The following UNC79 variants were observed in gnomAD, a reference collection of about 807,000 sequenced individuals.
UNC79 encodes protein unc-79 homolog.
Under a neutral mutation model 283.1 loss-of-function variants are expected in UNC79, and 37 were observed. That is an observed-to-expected ratio of 0.13 (90% CI 0.10 to 0.17). The LOEUF is 0.17. UNC79 is among the 10% of genes least tolerant of loss of function. The pLI is 1.00. For synonymous variants in UNC79, 1,107 were observed against 1,200.2 expected, an observed-to-expected ratio of 0.92 and a Z score of 1.61; for missense variants, 2,272 against 3,211.1, an observed-to-expected ratio of 0.71 and a Z score of 7.07.
chr14:93,355,151 T>G (rs1365874592), intron 1 of UNC79, among the ~76,000 whole-genome samples: 3 of 151,576 alleles, frequency 2.0e-5, no homozygotes, highest in African/African-American at 7.3e-5. Context: ...TGCCTCAGCC[T>G]CCTGAGTAGC....
intron 46 of UNC79, among the ~76,000 whole-genome samples, chr14:93,693,173 A>G (rs529134538): frequency 2.4e-4 from 36 of 152,340 alleles, no homozygotes; most frequent in African/African-American, 8.2e-4. Context: ...TCTTAGTTCA[A>G]TTTAAAGGAA....
At chr14:93,361,211 C>CAAA (rs58267219) in intron 1 of UNC79, among the ~76,000 whole-genome samples, 10 of 54,346 alleles carry the variant, frequency 1.8e-4, no homozygotes, top group African/African-American at 3.7e-4. Context: ...GACTCTGTCT[C>CAAA]AAAAAAAAAA....
rs1230020241 is a variant in UNC79 at position 93,688,721 on chromosome 14, C to G, written c.6966C>G (p.Leu2322=). 6.2e-7 allele frequency: 1 copy of G among 1,614,026 alleles called. No homozygotes were observed. Among genetic ancestry groups the G allele is most frequent in the East Asian group, 2.2e-5 (1 of 44,870 alleles). Reference sequence around the variant, plus strand: ...ATGAAGATACCTTTGGGGGACATCTCAAAGTGGGGCTGGCCCAGATTGCAG... The same window carrying G: ...ATGAAGATACCTTTGGGGGACATCTGAAAGTGGGGCTGGCCCAGATTGCAG... Residue 2322 remains leucine, a synonymous_variant, in exon 44 of 49, where the codon CTC becomes CTG. Transcript: ENST00000555664. The surrounding 1 kb of genome is among the most constrained non-coding windows in gnomAD (Gnocchi z 4.0).
intron 41 of UNC79, among the ~76,000 whole-genome samples, chr14:93,678,561 G>T (rs1162067862): frequency 6.6e-6 from 1 of 152,148 alleles, no homozygotes; most frequent in Non-Finnish European, 1.5e-5. Context: ...AGAACAAATA[G>T]AATGCTTGTC....
chr14:93,437,843 C>A (rs1157840424), intron 1 of UNC79, among the ~76,000 whole-genome samples: 1 of 152,152 alleles, frequency 6.6e-6, no homozygotes, highest in Admixed American at 6.5e-5. Context: ...AAACACACGT[C>A]ATTTGATTTA....
intron 24 of UNC79, among the ~76,000 whole-genome samples, chr14:93,599,353 A>AGT (rs56758207): frequency 0.021 from 3,071 of 148,074 alleles, 69 homozygotes; most frequent in African/African-American, 0.054. Flanking sequence ...CACATACTTA[A>AGT]GTGTGTGTGT....
intron 7 of UNC79, among the ~76,000 whole-genome samples, chr14:93,514,109 A>C (rs984751774): frequency 2.0e-5 from 3 of 152,256 alleles, no homozygotes; most frequent in Admixed American, 2.0e-4. Flanking sequence ...ACAAGTCAGT[A>C]AGATTTAAAA....
chr14:93,600,543 T>A (rs758351416), intron 24 of UNC79, 26 bp from the exon 25 acceptor site: 2 of 893,494 alleles, frequency 2.2e-6, no homozygotes, highest in Non-Finnish European at 1.5e-6. Flanking sequence ...TCTTCTTTTC[T>A]TTTTTTTTTT....
chr14:93,346,266 A>G (rs2053825776), intron 1 of UNC79, among the ~76,000 whole-genome samples: 2 of 152,216 alleles, frequency 1.3e-5, no homozygotes, highest in South Asian at 2.1e-4. Flanking sequence ...ATAGGCCCCC[A>G]AAAGAAATAA....
chr14:93,670,979 T>G (rs2072789630), intron 40 of UNC79, among the ~76,000 whole-genome samples: 1 of 152,252 alleles, frequency 6.6e-6, no homozygotes. Context: ...TTATGTACTT[T>G]TCTGCACATG....
chr14:93,390,158 A>G (rs2054856696), intron 1 of UNC79, among the ~76,000 whole-genome samples: 1 of 152,272 alleles, frequency 6.6e-6, no homozygotes, highest in South Asian at 2.1e-4. Flanking sequence ...TATTTGTTTA[A>G]CACTGGAAAC....
At chr14:93,339,745 G>A (rs74753771) in intron 1 of UNC79, among the ~76,000 whole-genome samples, 11,215 of 152,266 alleles carry the variant, frequency 0.074, 874 homozygotes, top group African/African-American at 0.19. Flanking sequence ...CTGTTTGTCC[G>A]TGTTGCTCTC....
intron 5 of UNC79, among the ~76,000 whole-genome samples, chr14:93,494,324 C>T (rs117313360): frequency 0.034 from 5,252 of 152,236 alleles, 189 homozygotes; most frequent in Admixed American, 0.11. Flanking sequence ...GCCCCACCTC[C>T]AACACTGGGG....
chr14:93,598,906 G>T (rs2065286236), intron 24 of UNC79, among the ~76,000 whole-genome samples: 1 of 152,202 alleles, frequency 6.6e-6, no homozygotes, highest in African/African-American at 2.4e-5. Flanking sequence ...AAGCCAAAGA[G>T]ACAAGAAATA....
At chr14:93,422,535 A>T (rs1008987901) in intron 1 of UNC79, among the ~76,000 whole-genome samples, 11 of 152,136 alleles carry the variant, frequency 7.2e-5, no homozygotes, top group African/African-American at 9.7e-5. Context: ...TCACGTTCTG[A>T]ACCAGTTTTT....
chr14:93,498,434 A>C (rs531518517), intron 7 of UNC79, among the ~76,000 whole-genome samples: 1 of 152,004 alleles, frequency 6.6e-6, no homozygotes, highest in South Asian at 2.1e-4. Flanking sequence ...TAAAAATACA[A>C]AAAAATTTTA....
chr14:93,473,375 A>G (rs2057626395), intron 2 of UNC79, among the ~76,000 whole-genome samples: 1 of 152,182 alleles, frequency 6.6e-6, no homozygotes, highest in Admixed American at 6.5e-5. Flanking sequence ...TCACAAACAT[A>G]TGCTATGGAC....
chr14:93,606,383 A>G (rs1224308127), intron 26 of UNC79, among the ~76,000 whole-genome samples: 2 of 152,264 alleles, frequency 1.3e-5, no homozygotes, highest in Non-Finnish European at 2.9e-5. Context: ...ACTTGCTTAG[A>G]TATGGAAATA....
intron 1 of UNC79, among the ~76,000 whole-genome samples, chr14:93,400,459 C>A (rs965953013): frequency 2.6e-5 from 4 of 152,128 alleles, no homozygotes; most frequent in Non-Finnish European, 5.9e-5. Flanking sequence ...ATAAGTGCCA[C>A]ATGAATGGTT....
Sources: gnomAD v4.1 joint callset for allele counts (sites outside exome capture counted in the v4.1 genomes callset) on GRCh38, gnomAD v4.1.1 for gene constraint, Gnocchi (gnomAD v3.1) non-coding constraint, MANE v1.5 for transcripts, NCBI Gene and HGNC (gene_info 2026-07-23, HGNC 2026-07-21) for gene names.